Variants in ZNF512 observed in about 807,000 individuals in gnomAD.
The protein encoded by ZNF512 is zinc finger protein 512.
In ZNF512, 25 loss-of-function variants were observed where a neutral mutation model predicts 77.5. The observed-to-expected ratio is 0.32, with a 90% CI of 0.23 to 0.45. The LOEUF is 0.45. Among genes scored for constraint, ZNF512 ranks in the 20% least tolerant of loss-of-function variants. The pLI is 1.00. For synonymous variants in ZNF512, 246 were observed against 239.9 expected (o/e 1.03, Z -0.24); for missense variants, 483 against 692.6 (o/e 0.70, Z 3.40).
rs1480004258 is a variant in ZNF512, at chr2:27,617,583, G to C, written c.1395+12G>C. Reference sequence around the variant, plus strand: ...CCGTCCATGCTGAGGTGAGGTTTTTGTAATCCTGTGGGCCTGATATGTAAG... The same window carrying C: ...CCGTCCATGCTGAGGTGAGGTTTTTCTAATCCTGTGGGCCTGATATGTAAG... On this transcript the variant is annotated intron_variant, in intron 13 of 13. Coordinates refer to ENST00000355467, the MANE Select transcript of ZNF512 (RefSeq NM_032434.4). 2.1e-5 allele frequency: 21 copies of C among 977,294 alleles called. No individual in the cohort carries two copies. Among genetic ancestry groups the C allele is most frequent in the Non-Finnish European group, 3.5e-5 (21 of 597,882 alleles). 60.5% of individuals were successfully genotyped at this position (977,294 alleles called of 1,614,324 possible).
At chr2:27,588,976 A>C (rs143010195) in intron 2 of ZNF512, among the ~76,000 whole-genome samples, 1 of 152,198 alleles carries the variant, frequency 6.6e-6, no homozygotes, top group East Asian at 1.9e-4. Context: ...TTACTGATGT[A>C]ATTGTAAATG....
intron 2 of ZNF512, among the ~76,000 whole-genome samples, chr2:27,594,500 G>T (rs1362381008): frequency 1.3e-5 from 2 of 148,160 alleles, no homozygotes; most frequent in African/African-American, 5.0e-5. Context: ...CAGACAGGGC[G>T]GCCGGGCAGA....
At chr2:27,594,733 G>T (rs1671773908) in intron 2 of ZNF512, among the ~76,000 whole-genome samples, 2 of 152,166 alleles carry the variant, frequency 1.3e-5, no homozygotes, top group Admixed American at 1.3e-4. Context: ...TGGGGTGGCG[G>T]CCGGGCAGAG....
At chr2:27,605,584 T>G (rs925629886) in intron 9 of ZNF512, among the ~76,000 whole-genome samples, 5 of 151,854 alleles carry the variant, frequency 3.3e-5, no homozygotes, top group African/African-American at 1.2e-4. Flanking sequence ...CAAGCCATCC[T>G]CCCACCTCAG....
chr2:27,622,707 T>C lies in ZNF512; in HGVS notation c.*1246T>C, dbSNP rs1446295869. 6.5e-6 allele frequency: 1 copy of C among 152,806 alleles called. No homozygotes were observed. Among genetic ancestry groups the C allele is most frequent in the African/African-American group, 2.4e-5 (1 of 41,472 alleles). 9.5% of individuals were successfully genotyped at this position (152,806 alleles called of 1,614,324 possible). ...TCCCCATTTTGCGTAAATATTGGTC[T>C]TATATATTCTTGCCTATTTTGTGGC... On this transcript the variant is annotated 3_prime_UTR_variant, in exon 14 of 14. Coordinates refer to ENST00000355467, the MANE Select transcript of ZNF512 (RefSeq NM_032434.4).
At chr2:27,598,367 C>T (rs187066302) in intron 3 of ZNF512, 113 bp downstream of exon 3, 41 of 1,099,136 alleles carry the variant, frequency 3.7e-5, no homozygotes, top group Non-Finnish European at 4.4e-5. Flanking sequence ...TGGTGGCTCA[C>T]GCCTGTAATC....
intron 12 of ZNF512, among the ~76,000 whole-genome samples, chr2:27,616,628 A>C (rs1432748200): frequency 6.6e-6 from 1 of 152,218 alleles, no homozygotes; most frequent in East Asian, 1.9e-4. Flanking sequence ...GCATTTGAGC[A>C]TCTCCTACAC....
intron 3 of ZNF512, 78 bp downstream of exon 3, chr2:27,598,332 A>T: frequency 6.9e-7 from 1 of 1,452,946 alleles, no homozygotes; most frequent in African/African-American, 1.4e-5. Flanking sequence ...AATACCTCTT[A>T]AAAGTATTAA....
intron 2 of ZNF512, among the ~76,000 whole-genome samples, chr2:27,593,918 C>T (rs1486622427): frequency 6.6e-6 from 1 of 152,102 alleles, no homozygotes; most frequent in Non-Finnish European, 1.5e-5. Context: ...ATGGAGTCTC[C>T]TATGTCTACT....
chr2:27,612,925 T>C (rs1008493418), intron 10 of ZNF512, among the ~76,000 whole-genome samples: 2 of 152,170 alleles, frequency 1.3e-5, no homozygotes, highest in African/African-American at 4.8e-5. Flanking sequence ...AACTATTCAT[T>C]TATTTTGGGA....
chr2:27,617,226 G>C (rs1672919985), intron 12 of ZNF512: 1 of 391,784 alleles, frequency 2.6e-6, no homozygotes. Flanking sequence ...CTGAGAAAAA[G>C]TAGGAGACTT....
chr2:27,590,110 C>A (rs777879342), intron 2 of ZNF512, among the ~76,000 whole-genome samples: 2 of 152,146 alleles, frequency 1.3e-5, no homozygotes, highest in African/African-American at 2.4e-5. Context: ...ATGTCTTTTA[C>A]TGAATTTTTA....
intron 1 of ZNF512, 90 bp from the exon 2 acceptor site, chr2:27,583,567 CT>C (rs1671206771): frequency 1.3e-6 from 2 of 1,547,484 alleles, no homozygotes; most frequent in Admixed American, 4.4e-5. Context: ...CCCGGGAGAA[CT>C]TCATTTCTTC....
At chr2:27,598,687 A>G (rs906676412) in intron 3 of ZNF512, among the ~76,000 whole-genome samples, 2 of 152,172 alleles carry the variant, frequency 1.3e-5, no homozygotes, top group African/African-American at 4.8e-5. Flanking sequence ...AGTGATTTAA[A>G]AAAATTTAAG....
rs2148052479 is a variant in ZNF512, at chr2:27,622,067, G to A, written c.*606G>A. On this transcript the variant is annotated 3_prime_UTR_variant, in exon 14 of 14. Coordinates refer to ENST00000355467, the MANE Select transcript of ZNF512 (RefSeq NM_032434.4). ...GAAAACTCTAGAACTACCCTATGCT[G>A]TTTATACTGGGAAATGCTTTGTACC... 1 of 153,148 alleles carries A rather than the reference G, an allele frequency of 6.5e-6. No individual in the cohort carries two copies. The highest frequency in any genetic ancestry group is 1.9e-4 in the East Asian group (1 of 5,316). The allele number at this position is 153,148 out of a possible 1,614,324, so 9.5% of individuals were successfully genotyped here. A position where few individuals can be genotyped will look rare whatever the true frequency, so the allele number is the denominator to read the frequency against.
intron 6 of ZNF512, among the ~76,000 whole-genome samples, 173 bp downstream of exon 6, chr2:27,600,988 C>A (rs1009076564): frequency 5.9e-5 from 9 of 152,182 alleles, no homozygotes; most frequent in African/African-American, 2.2e-4. Flanking sequence ...TAGCCACATA[C>A]TAGTGTGGCA....
At chr2:27,585,426 A>G (rs1671283814) in intron 2 of ZNF512, among the ~76,000 whole-genome samples, 1 of 152,240 alleles carries the variant, frequency 6.6e-6, no homozygotes, top group South Asian at 2.1e-4. Context: ...GTTAAAAAAT[A>G]AGATTATTAG....
At chr2:27,614,414 A>G (rs1189283793) in intron 10 of ZNF512, among the ~76,000 whole-genome samples, 1 of 152,250 alleles carries the variant, frequency 6.6e-6, no homozygotes, top group Non-Finnish European at 1.5e-5. Context: ...TTTCTCTCAC[A>G]TCCCTGTTTT....
Position 27,600,687 on chromosome 2 carries a change from G to T in ZNF512, c.458-4G>T. The T allele has an allele frequency of 6.2e-7, 1 of 1,612,678 alleles. No individual in the cohort carries two copies. Among genetic ancestry groups the T allele is most frequent in the African/African-American group, 1.3e-5 (1 of 74,966 alleles). On this transcript the variant is annotated splice_region_variant and splice_polypyrimidine_tract_variant and intron_variant, in intron 5 of 13. Coordinates refer to ENST00000355467, the MANE Select transcript of ZNF512 (RefSeq NM_032434.4). ...TACAAAGTGTTTCTTTCTCTCCTTT[G>T]TAGGCAGTTTGGAGGAGCAATGGTA...
Sources: gnomAD v4.1 joint callset for allele counts (sites outside exome capture counted in the v4.1 genomes callset) on GRCh38, gnomAD v4.1.1 for gene constraint, MANE v1.5 for transcripts, NCBI Gene and HGNC (gene_info 2026-07-23, HGNC 2026-07-21) for gene names.